Variants in MROH1 observed in about 807,000 individuals in gnomAD.
The protein encoded by MROH1 is maestro heat like repeat family member 1.
In MROH1, 117 loss-of-function variants were observed where a neutral mutation model predicts 116.5. The ratio of observed to expected loss-of-function variants is 1.00; its 90% CI spans 0.86 to 1.17. The LOEUF (loss-of-function observed/expected upper bound fraction) is 1.17. Among genes scored for constraint, MROH1 ranks in the 50% most tolerant of loss-of-function variants. MROH1 has a pLI of 0.00. For synonymous variants in MROH1, 921 were observed against 583.9 expected (o/e 1.58, Z -8.32); for missense variants, 1,873 against 1,338.5 (o/e 1.40, Z -6.23).
chr8:144,172,189 TCTC>T (rs1243096527), intron 4 of MROH1, among the ~76,000 whole-genome samples: 2 of 152,170 alleles, frequency 1.3e-5, no homozygotes, highest in Non-Finnish European at 2.9e-5. Flanking sequence ...CTGTGGAGAA[TCTC>T]CTTCCGTTTC....
chr8:144,156,340 T>C (rs1818080767), intron 1 of MROH1, among the ~76,000 whole-genome samples: 1 of 151,782 alleles, frequency 6.6e-6, no homozygotes. Flanking sequence ...TAAGTGGACG[T>C]TGGATTGTGA....
At chr8:144,226,641 T>C (rs1261827787) in intron 14 of MROH1, among the ~76,000 whole-genome samples, 1 of 151,886 alleles carries the variant, frequency 6.6e-6, no homozygotes, top group African/African-American at 2.4e-5. Flanking sequence ...TCAGTAGAGA[T>C]GCAGTTTCAC....
At position 144,239,726 on chromosome 8, in the gene MROH1, C is replaced by T. The variant is rs1157044739; in HGVS notation, c.1745C>T (p.Thr582Ile). 5.6e-6 allele frequency: 4 copies of T among 720,234 alleles called. No homozygotes were observed. Among genetic ancestry groups the T allele is most frequent in the Non-Finnish European group, 1.0e-5 (4 of 386,564 alleles). The allele number at this position is 720,234 out of a possible 1,614,324, so 44.6% of individuals were successfully genotyped here. ...TTGCTGGGTCAGCATTGGGAAACGA[C>T]TGTCCCGCTGCTGCTGGGGTACCTG... Reference protein sequence around the residue: ...HPLLGQHWETTVPLLLGYLDE... With the variant: ...HPLLGQHWETIVPLLLGYLDE... The change falls in exon 18 of 44, where the codon ACT (threonine) becomes ATT (isoleucine). Residue 582 changes from threonine to isoleucine, a missense_variant. Coordinates refer to ENST00000326134, the MANE Select transcript of MROH1 (RefSeq NM_032450.3).
At chr8:144,188,431 A>G (rs1413702464) in intron 7 of MROH1, among the ~76,000 whole-genome samples, 1 of 137,402 alleles carries the variant, frequency 7.3e-6, no homozygotes, top group Non-Finnish European at 1.5e-5. Flanking sequence ...GCCCTGGGTC[A>G]GGTGCTACCA....
At chr8:144,170,580 C>G (rs1822186722) in intron 4 of MROH1, among the ~76,000 whole-genome samples, 2 of 152,220 alleles carry the variant, frequency 1.3e-5, no homozygotes, top group Non-Finnish European at 2.9e-5. Context: ...GTTCAAAGCC[C>G]ACTGAGTCTC....
chr8:144,153,533 T>C (rs886136910), intron 1 of MROH1, among the ~76,000 whole-genome samples: 15 of 152,324 alleles, frequency 9.8e-5, no homozygotes, highest in African/African-American at 3.4e-4. Context: ...CATTGTGATA[T>C]ACCACATTTT....
At chr8:144,156,279 C>G (rs1218800920) in intron 1 of MROH1, among the ~76,000 whole-genome samples, 1 of 150,714 alleles carries the variant, frequency 6.6e-6, no homozygotes, top group East Asian at 2.0e-4. Flanking sequence ...AGCAGGTTTC[C>G]TTCTCTTCCT....
chr8:144,180,531 G>T lies in MROH1; in HGVS notation c.562+8G>T. ...GCGTGGCCTTCTGCTCCGGTAAGAG[G>T]CGGCCTCGTCACCTTCTGTCTCAAG... On this transcript the variant is annotated splice_region_variant and intron_variant, in intron 7 of 43. Coordinates refer to ENST00000326134, the MANE Select transcript of MROH1 (RefSeq NM_032450.3). The surrounding 1 kb of genome is among the most constrained non-coding windows in gnomAD (Gnocchi z 7.4). 6.2e-7 allele frequency: 1 copy of T among 1,607,270 alleles called. No individual in the cohort carries two copies.
rs1165853310 is a variant in MROH1, at chr8:144,259,775, G to A, written c.4045-136G>A. 10 of 689,972 alleles carry A rather than the reference G, an allele frequency of 1.4e-5. No individual in the cohort carries two copies. The East Asian group carries it at 2.7e-4, about 19-fold the overall frequency. 42.7% of individuals were successfully genotyped at this position (689,972 alleles called of 1,614,324 possible). On this transcript the variant is annotated intron_variant, in intron 37 of 43. Coordinates refer to ENST00000326134, the MANE Select transcript of MROH1 (RefSeq NM_032450.3). ...AACAGGGAGGGGTCGCCACTGATCGGAGACCCAGGGAGTAGGTGCTCCACC... is the reference window on the plus strand; with the variant it reads ...AACAGGGAGGGGTCGCCACTGATCGAAGACCCAGGGAGTAGGTGCTCCACC...
At position 144,167,565 on chromosome 8, in the gene MROH1, T is replaced by C. The variant is rs371218322; in HGVS notation, c.23-730T>C. Among the ~76,000 whole-genome samples, 18 of 142,032 alleles carry C rather than the reference T, an allele frequency of 1.3e-4. No individual in the cohort carries two copies. The South Asian group carries it at 1.9e-3, about 15-fold the overall frequency. The allele number at this position is 142,032 out of a possible 152,430, so 93.2% of individuals were successfully genotyped here. A position where few individuals can be genotyped will look rare whatever the true frequency, so the allele number is the denominator to read the frequency against. On this transcript the variant is annotated intron_variant, in intron 3 of 43. Coordinates refer to ENST00000326134, the MANE Select transcript of MROH1 (RefSeq NM_032450.3). ...GTGGCCAGTTGTTGGGTGGAGTGAC[T>C]GGTTGTTGGGGTGGAGTGGCTGGTT...
In MROH1 at chr8:144,241,388, C is replaced by T. The variant is rs1840957239; in HGVS notation, c.2056-7C>T. On this transcript the variant is annotated splice_polypyrimidine_tract_variant and splice_region_variant and intron_variant, in intron 21 of 43. Coordinates refer to ENST00000326134, the MANE Select transcript of MROH1 (RefSeq NM_032450.3). Reference sequence around the variant, plus strand: ...TCCCTGCCCGGGGTAAGTGTGCTGCCCCCCAGGGCCTCGCCTGCTGCTTCG... The same window carrying T: ...TCCCTGCCCGGGGTAAGTGTGCTGCTCCCCAGGGCCTCGCCTGCTGCTTCG... 2.6e-6 allele frequency: 2 copies of T among 772,402 alleles called. No homozygotes were observed. Among genetic ancestry groups the T allele is most frequent in the South Asian group, 1.4e-5 (1 of 73,894 alleles). 47.8% of individuals were successfully genotyped at this position (772,402 alleles called of 1,614,324 possible).
intron 10 of MROH1, among the ~76,000 whole-genome samples, chr8:144,196,247 G>A (rs1002947393): frequency 4.1e-5 from 6 of 146,860 alleles, no homozygotes; most frequent in Non-Finnish European, 8.9e-5. Flanking sequence ...CCGAGATTGC[G>A]CCACCTCATT....
At chr8:144,186,060 C>G (rs1338644418) in intron 7 of MROH1, among the ~76,000 whole-genome samples, 1 of 151,976 alleles carries the variant, frequency 6.6e-6, no homozygotes. Flanking sequence ...GCAGTGGGCT[C>G]TCTCCCAGTC....
intron 14 of MROH1, among the ~76,000 whole-genome samples, chr8:144,230,855 G>A (rs150301436): frequency 3.0e-5 from 4 of 134,152 alleles, no homozygotes; most frequent in Admixed American, 7.8e-5. Flanking sequence ...GTTTCTCGCA[G>A]AGGGGGATTT....
chr8:144,199,316 T>C (rs1830591239), intron 11 of MROH1, 116 bp downstream of exon 11: 6 of 1,030,868 alleles, frequency 5.8e-6, no homozygotes, highest in Non-Finnish European at 1.5e-6. Flanking sequence ...AGGAGGCCCC[T>C]GTTTCCACCT....
At chr8:144,256,238 G>A (rs893270618) in intron 35 of MROH1, among the ~76,000 whole-genome samples, 45 of 152,262 alleles carry the variant, frequency 3.0e-4, no homozygotes, top group Admixed American at 9.8e-4. Context: ...CTGGGCAGGC[G>A]TGGCTGTGTG....
chr8:144,172,196 C>T (rs1055324491), intron 4 of MROH1, among the ~76,000 whole-genome samples: 3 of 152,156 alleles, frequency 2.0e-5, no homozygotes, highest in African/African-American at 7.2e-5. Flanking sequence ...GAATCTCCTT[C>T]CGTTTCCAGG....
At chr8:144,257,098 C>T (rs2129776819) in intron 35 of MROH1, among the ~76,000 whole-genome samples, 1 of 152,348 alleles carries the variant, frequency 6.6e-6, no homozygotes, top group Middle Eastern at 3.4e-3. Context: ...CCAGGAACTG[C>T]AGTGACTGGT....
chr8:144,225,917 T>TTG (rs1837718383), intron 14 of MROH1, among the ~76,000 whole-genome samples: 2 of 143,422 alleles, frequency 1.4e-5, no homozygotes, highest in African/African-American at 5.2e-5. Flanking sequence ...TTAGTTTTTT[T>TTG]TTTTTTTTTT....
Sources: allele counts gnomAD v4.1 joint callset (sites outside exome capture counted in the v4.1 genomes callset), GRCh38; gene constraint gnomAD v4.1.1; non-coding constraint Gnocchi (gnomAD v3.1); transcripts MANE v1.5; gene names NCBI Gene and HGNC (gene_info 2026-07-23, HGNC 2026-07-21).